CDH23: variants seen among roughly 807,000 people sequenced by gnomAD.
CDH23 encodes the protein cadherin-23.
Under a neutral mutation model 317.1 loss-of-function variants are expected in CDH23, and 189 were observed. That is an observed-to-expected ratio of 0.60 (90% CI 0.53 to 0.67). CDH23 has a LOEUF of 0.67. Ranked by LOEUF, CDH23 falls within the 30% of genes least tolerant of loss-of-function variation. CDH23 has a pLI of 0.00. For synonymous variants in CDH23, 1,839 were observed against 1,876.8 expected (o/e 0.98, Z 0.52); for missense variants, 4,401 against 4,592.4 (o/e 0.96, Z 1.20).
At chr10:71,489,995 G>C (rs1852565836) in intron 3 of CDH23, among the ~76,000 whole-genome samples, 1 of 151,918 alleles carries the variant, frequency 6.6e-6, no homozygotes, top group Non-Finnish European at 1.5e-5. Context: ...TGACAATAAG[G>C]GGGAGGTTCT....
chr10:71,696,988 CCTT>C (rs1322668192), intron 22 of CDH23, among the ~76,000 whole-genome samples: 1 of 152,240 alleles, frequency 6.6e-6, no homozygotes, highest in Non-Finnish European at 1.5e-5. Context: ...CCTCTGAACA[CCTT>C]CTGGTCAACC....
intron 1 of CDH23, among the ~76,000 whole-genome samples, chr10:71,413,649 G>A (rs1382058079): frequency 6.6e-6 from 1 of 152,088 alleles, no homozygotes; most frequent in Non-Finnish European, 1.5e-5. Flanking sequence ...TCCAGTTTAT[G>A]AACATGGGAT....
intron 41 of CDH23, among the ~76,000 whole-genome samples, chr10:71,781,313 A>T (rs1840948054): frequency 6.6e-6 from 1 of 152,122 alleles, no homozygotes; most frequent in South Asian, 2.1e-4. Context: ...CGGACATGCT[A>T]CCCTTTCGGA....
intron 14 of CDH23, 132 bp from the exon 15 acceptor site, chr10:71,674,980 C>T: frequency 1.3e-6 from 1 of 768,562 alleles, no homozygotes; most frequent in South Asian, 1.5e-5. Flanking sequence ...TTTCACCAGG[C>T]CTCACTGGGG....
intron 38 of CDH23, among the ~76,000 whole-genome samples, chr10:71,770,451 CATGCATGTCCCTG>C (rs1840660978): frequency 7.8e-5 from 2 of 25,572 alleles, no homozygotes; most frequent in African/African-American, 1.9e-4. Flanking sequence ...GAAGCCCTGG[CATGCATGTCCCTG>C]GCTTTGCCAT....
At chr10:71,560,969 A>G (rs1857098570) in intron 6 of CDH23, among the ~76,000 whole-genome samples, 1 of 152,202 alleles carries the variant, frequency 6.6e-6, no homozygotes, top group Non-Finnish European at 1.5e-5. Flanking sequence ...AGTTTGGTCA[A>G]GGGTACAGCA....
chr10:71,659,065 C>CAG (rs1486635506), intron 14 of CDH23, among the ~76,000 whole-genome samples: 2 of 152,206 alleles, frequency 1.3e-5, no homozygotes, highest in East Asian at 3.8e-4. Context: ...CACAGAGAGC[C>CAG]CGTGACACCC....
intron 9 of CDH23, among the ~76,000 whole-genome samples, chr10:71,582,217 T>C (rs887203989): frequency 2.4e-4 from 36 of 152,340 alleles, no homozygotes; most frequent in Non-Finnish European, 3.7e-4. Flanking sequence ...CCGCTGTCCA[T>C]GGTAGTGACC....
intron 1 of CDH23, among the ~76,000 whole-genome samples, chr10:71,429,118 G>A (rs2131975789): frequency 6.6e-6 from 1 of 152,236 alleles, no homozygotes; most frequent in East Asian, 1.9e-4. Context: ...TTTCTTGCCT[G>A]TGTTTTTGGT....
At chr10:71,536,065 G>A (rs756820014) in intron 6 of CDH23, among the ~76,000 whole-genome samples, 1 of 152,258 alleles carries the variant, frequency 6.6e-6, no homozygotes, top group Non-Finnish European at 1.5e-5. Context: ...AGGTGCACGC[G>A]CCTTGCTGTG....
chr10:71,529,986 T>C (rs1228256147), intron 6 of CDH23, among the ~76,000 whole-genome samples: 6 of 150,928 alleles, frequency 4.0e-5, no homozygotes, highest in African/African-American at 1.5e-4. Flanking sequence ...TGTAACTCCC[T>C]CTGGGGCTGG....
intron 49 of CDH23, 113 bp from the exon 50 acceptor site, chr10:71,798,241 T>C: frequency 1.3e-6 from 1 of 749,540 alleles, no homozygotes; most frequent in Non-Finnish European, 2.3e-6. Context: ...AGGCAGCCTC[T>C]GGGGGGCTGT....
At chr10:71,419,498 A>G (rs1848658151) in intron 1 of CDH23, among the ~76,000 whole-genome samples, 1 of 152,146 alleles carries the variant, frequency 6.6e-6, no homozygotes, top group Non-Finnish European at 1.5e-5. Flanking sequence ...AGGGACACTC[A>G]GATGTGAAAA....
intron 3 of CDH23, among the ~76,000 whole-genome samples, chr10:71,473,267 G>A (rs192034945): frequency 7.2e-4 from 109 of 152,330 alleles, no homozygotes; most frequent in South Asian, 2.3e-3. Context: ...CTTACTCAGG[G>A]GCTGTAAATG....
intron 49 of CDH23, among the ~76,000 whole-genome samples, chr10:71,797,673 C>T (rs1841438538): frequency 6.6e-6 from 1 of 152,230 alleles, no homozygotes; most frequent in Non-Finnish European, 1.5e-5. Flanking sequence ...GCCACAGACA[C>T]TGCTTTGGGG....
At chr10:71,404,470 T>C (rs901043169) in intron 1 of CDH23, among the ~76,000 whole-genome samples, 5 of 152,238 alleles carry the variant, frequency 3.3e-5, no homozygotes, top group Non-Finnish European at 7.3e-5. Flanking sequence ...CTTTAGCCAT[T>C]TGAGTTTGTG....
intron 14 of CDH23, among the ~76,000 whole-genome samples, chr10:71,667,388 G>A (rs191646020): frequency 0.02 from 2,371 of 119,526 alleles, 89 homozygotes; most frequent in African/African-American, 0.059. Context: ...GTGTGTGTGT[G>A]TGTGTGTGCG....
intron 28 of CDH23, chr10:71,719,575 T>G (rs1021943620): frequency 2.0e-5 from 3 of 152,786 alleles, no homozygotes; most frequent in African/African-American, 7.2e-5. Flanking sequence ...AGCAAGGGTC[T>G]CCACCACACT....
At chr10:71,515,359 CT>C (rs1854233187) in intron 6 of CDH23, among the ~76,000 whole-genome samples, 1 of 65,158 alleles carries the variant, frequency 1.5e-5, no homozygotes, top group African/African-American at 4.5e-5. Context: ...CTGTCTGTTT[CT>C]CTCTCTCTCT....
Sources: allele counts gnomAD v4.1 joint callset (sites outside exome capture counted in the v4.1 genomes callset), GRCh38; gene constraint gnomAD v4.1.1; transcripts MANE v1.5; gene names NCBI Gene and HGNC (gene_info 2026-07-23, HGNC 2026-07-21).